The following LIMS2 variants were observed in gnomAD, a reference collection of about 807,000 sequenced individuals.
LIMS2 encodes the protein LIM and senescent cell antigen-like-containing domain protein 2.
In LIMS2, 30 loss-of-function variants were observed where a neutral mutation model predicts 45.3. The ratio of observed to expected loss-of-function variants is 0.66; its 90% confidence interval spans 0.50 to 0.90. The LOEUF (loss-of-function observed/expected upper bound fraction) is 0.90, where lower values mean the gene tolerates loss of function less well. Ranked by LOEUF, LIMS2 falls within the 40% of genes least tolerant of loss-of-function variation. LIMS2 has a pLI of 0.00. For missense variants in LIMS2, 485 were observed against 468.7 expected (o/e 1.03, Z -0.32); for synonymous variants, 173 against 188.0 (o/e 0.92, Z 0.65).
rs1246825112 is a variant in LIMS2 at position 127,647,814 on chromosome 2, C to T, written c.360-4742G>A. Among the ~76,000 whole-genome samples the T allele has an allele frequency of 6.6e-6, 1 of 152,074 alleles. No homozygotes were observed. The highest frequency in any genetic ancestry group is 6.5e-5 in the Admixed American group (1 of 15,284). On this transcript the variant is annotated intron_variant, in intron 4 of 9. Coordinates refer to ENST00000355119, the MANE Select transcript of LIMS2 (RefSeq NM_001161403.3). This position sits in a 1 kb window ranked among gnomAD's most constrained non-coding sequence, Gnocchi z 4.3. The stretch of plus-strand genomic sequence containing the variant: ...AGCCCTGTTCCTCCAGTCTCCGGGT[C>T]CTCACCCCCAGCACATGCAACACGA...
chr2:127,673,958 G>T, intron 1 of LIMS2: 1 of 555,226 alleles, frequency 1.8e-6, no homozygotes, highest in Non-Finnish European at 3.3e-6. Context: ...GGGAAGAGAG[G>T]CTTGGGGAGA....
intron 1 of LIMS2, among the ~76,000 whole-genome samples, chr2:127,666,595 G>A (rs1053690686): frequency 2.9e-5 from 4 of 136,420 alleles, no homozygotes; most frequent in Non-Finnish European, 6.4e-5. Context: ...CTACCAAAAC[G>A]AACTCAAGAA....
chr2:127,661,443 C>T (rs1274886453), intron 1 of LIMS2, among the ~76,000 whole-genome samples: 2 of 152,254 alleles, frequency 1.3e-5, no homozygotes, highest in Non-Finnish European at 2.9e-5. Flanking sequence ...TAGGGGAAGG[C>T]CTGCAGGCTG....
chr2:127,664,808 G>C lies in LIMS2; in HGVS notation c.12-7246C>G, dbSNP rs1433253864. 6.6e-6 allele frequency among the ~76,000 whole-genome samples: 1 copy of C among 152,186 alleles called. No individual in the cohort carries two copies. The highest frequency in any genetic ancestry group is 2.4e-5 in the African/African-American group (1 of 41,452). ...GGGCAGAGTCAGCTGAGGAGGACAG[G>C]GAGGACCTGGCGCCTTTAGGATCCC... is the stretch of plus-strand genomic sequence containing the variant. On this transcript the variant is annotated intron_variant, in intron 1 of 9. Coordinates refer to ENST00000355119, the MANE Select transcript of LIMS2 (RefSeq NM_001161403.3). This position sits in a 1 kb window ranked among gnomAD's most constrained non-coding sequence, Gnocchi z 5.5.
rs1447546140 is a variant in LIMS2 at position 127,656,470 on chromosome 2, A to G, written c.171+933T>C. ...GCTCTGTCCCACAGGCTGGAGTGCAATGGCGCGATCTCGGCTCACTGCAAC... is the reference window on the plus strand; with the variant it reads ...GCTCTGTCCCACAGGCTGGAGTGCAGTGGCGCGATCTCGGCTCACTGCAAC... On this transcript the variant is annotated intron_variant, in intron 2 of 9. Coordinates refer to ENST00000355119, the MANE Select transcript of LIMS2 (RefSeq NM_001161403.3). Among the ~76,000 whole-genome samples, 14 of 148,044 alleles carry G rather than the reference A, an allele frequency of 9.5e-5. No individual in the cohort carries two copies. The Admixed American group carries it at 9.5e-4, about 10-fold the overall frequency.
Position 127,639,503 on chromosome 2 carries a change from GCTTC to G in LIMS2, c.879-79_879-76del, listed in dbSNP as rs2105183081. 3 of 1,557,056 alleles carry G rather than the reference GCTTC, an allele frequency of 1.9e-6. No homozygotes were observed. The African/African-American group carries it at 4.0e-5, about 21-fold the overall frequency. On this transcript the variant is annotated intron_variant, in intron 9 of 9. Transcript: ENST00000355119. ...CCCCAGACAGGTGACTGTGGAGTGG[GCTTC>G]CCTCAGCCCCCAGCCTCCCCACACC...
rs1166888321 is a variant in LIMS2, at chr2:127,675,472, C to G, written c.-448G>C. ...CAGCCCCAGCTCCAGGGACACGGAGCGCGGCCAGCGGCGGGCGCGGGTCAA... is the reference window on the plus strand; with the variant it reads ...CAGCCCCAGCTCCAGGGACACGGAGGGCGGCCAGCGGCGGGCGCGGGTCAA... On this transcript the variant is annotated 5_prime_UTR_variant, in exon 1 of 10. Coordinates refer to ENST00000355119, the MANE Select transcript of LIMS2 (RefSeq NM_001161403.3). Among the ~76,000 whole-genome samples, 1 of 151,994 alleles carries G rather than the reference C, an allele frequency of 6.6e-6. No individual in the cohort carries two copies. The highest frequency in any genetic ancestry group is 1.9e-4 in the East Asian group (1 of 5,164).
At chr2:127,641,823 G>C in intron 6 of LIMS2, 1 of 502,696 alleles carries the variant, frequency 2.0e-6, no homozygotes, top group East Asian at 3.4e-5. Flanking sequence ...GGAGAGGTGG[G>C]CACAGCTACC....
chr2:127,657,622 C>G, intron 1 of LIMS2, 60 bp from the exon 2 acceptor site: 1 of 1,503,202 alleles, frequency 6.7e-7, no homozygotes, highest in African/African-American at 1.4e-5. Flanking sequence ...ATGGGGCACA[C>G]GCGGGGGCCT....
chr2:127,661,951 T>A (rs1243480203), intron 1 of LIMS2, among the ~76,000 whole-genome samples: 2 of 152,076 alleles, frequency 1.3e-5, no homozygotes. Context: ...CCCCAGACCT[T>A]CCTCCATCCC....
intron 1 of LIMS2, among the ~76,000 whole-genome samples, chr2:127,669,408 A>G (rs1050973957): frequency 1.6e-4 from 24 of 152,218 alleles, no homozygotes; most frequent in Non-Finnish European, 2.9e-4. Flanking sequence ...TGATCCACAG[A>G]AAAGGAAAAA....
At position 127,653,506 on chromosome 2, in the gene LIMS2, G is replaced by A. The variant is rs956748082; in HGVS notation, c.359+918C>T. On this transcript the variant is annotated intron_variant, in intron 4 of 9. Transcript: ENST00000355119. The surrounding 1 kb of genome is among the most constrained non-coding windows in gnomAD (Gnocchi z 5.3). ...GACACATGTGCCATTTAGGGCTCTA[G>A]GATTCTGTCTGCAAGGGCAGCCATG... Among the ~76,000 whole-genome samples, 3 of 152,204 alleles carry A rather than the reference G, an allele frequency of 2.0e-5. No individual in the cohort carries two copies. Among genetic ancestry groups the A allele is most frequent in the Non-Finnish European group, 2.9e-5 (2 of 68,044 alleles).
rs1392113234 is a variant in LIMS2, at chr2:127,664,812, G to A, written c.12-7250C>T. The stretch of plus-strand genomic sequence containing the variant: ...AGAGTCAGCTGAGGAGGACAGGGAG[G>A]ACCTGGCGCCTTTAGGATCCCTGCC... On this transcript the variant is annotated intron_variant, in intron 1 of 9. Transcript: ENST00000355119. The surrounding 1 kb of genome is among the most constrained non-coding windows in gnomAD (Gnocchi z 5.5). Among the ~76,000 whole-genome samples the A allele has an allele frequency of 2.6e-5, 4 of 152,184 alleles. No homozygotes were observed. Among genetic ancestry groups the A allele is most frequent in the Non-Finnish European group, 5.9e-5 (4 of 68,030 alleles).
At chr2:127,674,633 T>C in intron 1 of LIMS2, 3 of 985,390 alleles carry the variant, frequency 3.0e-6, no homozygotes, top group Non-Finnish European at 3.6e-6. Flanking sequence ...GGATCGGGGA[T>C]CGCACAGCGC....
intron 7 of LIMS2, 130 bp from the exon 8 acceptor site, chr2:127,640,448 A>G: frequency 5.0e-6 from 5 of 998,604 alleles, no homozygotes; most frequent in Non-Finnish European, 7.7e-6. Flanking sequence ...CCCAGGGCCC[A>G]GCTGCAAGGC....
intron 4 of LIMS2, chr2:127,643,975 C>T: frequency 2.2e-6 from 1 of 447,182 alleles, no homozygotes; most frequent in Non-Finnish European, 4.5e-6. Flanking sequence ...CGGAAGAGAT[C>T]CAATCGCAGA....
chr2:127,659,494 G>A (rs923359538), intron 1 of LIMS2, among the ~76,000 whole-genome samples: 4 of 152,026 alleles, frequency 2.6e-5, no homozygotes, highest in Admixed American at 1.3e-4. Context: ...ACCCTCGAGG[G>A]CTGGGCAGGG....
intron 9 of LIMS2, 136 bp from the exon 10 acceptor site, chr2:127,639,564 G>A (rs1411794166): frequency 9.5e-7 from 1 of 1,051,208 alleles, no homozygotes; most frequent in Non-Finnish European, 1.4e-6. Flanking sequence ...CAGGCCCTAG[G>A]GTGAGATGGC....
Position 127,675,086 on chromosome 2 carries a change from A to G in LIMS2, c.-62T>C. 1 of 1,222,602 alleles carries G rather than the reference A, an allele frequency of 8.2e-7. No homozygotes were observed. The highest frequency in any genetic ancestry group is 1.0e-6 in the Non-Finnish European group (1 of 980,326). 75.7% of individuals were successfully genotyped at this position (1,222,602 alleles called of 1,614,324 possible). A position where few individuals can be genotyped will look rare whatever the true frequency, so the allele number is the denominator to read the frequency against. ...GCCGCGGGTCTCCCTCTGCTGCTGC[A>G]GCCGCCAGCCGAGCGCCCGCCCGCC... On this transcript the variant is annotated 5_prime_UTR_variant, in exon 1 of 10. Coordinates refer to ENST00000355119, the MANE Select transcript of LIMS2 (RefSeq NM_001161403.3).
Sources: allele counts gnomAD v4.1 joint callset (sites outside exome capture counted in the v4.1 genomes callset), GRCh38; gene constraint gnomAD v4.1.1; non-coding constraint Gnocchi (gnomAD v3.1); transcripts MANE v1.5; gene names NCBI Gene and HGNC (gene_info 2026-07-23, HGNC 2026-07-21).